The following SVEP1 variants were observed in gnomAD, a reference collection of about 807,000 sequenced individuals.
The protein encoded by SVEP1 is sushi, von Willebrand factor type A, EGF and pentraxin domain containing 1, also known as sushi, von Willebrand factor type A, EGF and pentraxin domain-containing protein 1.
In SVEP1, 164 loss-of-function variants were observed where a neutral mutation model predicts 367.3. The observed-to-expected ratio is 0.45, with a 90% CI of 0.39 to 0.51. The LOEUF (loss-of-function observed/expected upper bound fraction) is 0.51. Among genes scored for constraint, SVEP1 ranks in the 20% least tolerant of loss-of-function variants. SVEP1 has a pLI of 0.00. For missense variants in SVEP1, 4,117 were observed against 4,425.3 expected (o/e 0.93, Z 1.98); for synonymous variants, 1,666 against 1,611.6 (o/e 1.03, Z -0.81).
chr9:110,396,559 A>T (rs1163135908), intron 40 of SVEP1, among the ~76,000 whole-genome samples: 1 of 152,070 alleles, frequency 6.6e-6, no homozygotes, highest in East Asian at 1.9e-4. Context: ...TGAATCCAGG[A>T]GCTGGCTTTT....
intron 36 of SVEP1, among the ~76,000 whole-genome samples, chr9:110,423,168 T>TAAAAAAAAAAAAAGA (rs1828194925): frequency 9.6e-6 from 1 of 103,648 alleles, no homozygotes; most frequent in East Asian, 2.5e-4. Context: ...AAAAATAAAG[T>TAAAAAAAAAAAAAGA]AAAAAAAAAA....
chr9:110,489,825 G>T (rs139341852), intron 8 of SVEP1, 46 bp from the exon 9 acceptor site: 1 of 1,564,304 alleles, frequency 6.4e-7, no homozygotes. Context: ...TCAAAAGTGC[G>T]TTTATTCTTT....
chr9:110,545,783 C>T (rs80253768), intron 3 of SVEP1, among the ~76,000 whole-genome samples: 9,928 of 152,160 alleles, frequency 0.065, 447 homozygotes, highest in Non-Finnish European at 0.096. Flanking sequence ...GGAACCCTGC[C>T]GTCCCCACCT....
chr9:110,405,480 T>C (rs1310857002), intron 38 of SVEP1, among the ~76,000 whole-genome samples: 1 of 151,714 alleles, frequency 6.6e-6, no homozygotes, highest in African/African-American at 2.4e-5. Flanking sequence ...GCATAATTCA[T>C]ATGTATTATG....
At position 110,406,784 on chromosome 9, in the gene SVEP1, G is replaced by GCATCC; in HGVS notation, c.8811_8815dup (p.Ala2939GlyfsTer75). The GCATCC allele has an allele frequency of 6.2e-7, 1 of 1,614,038 alleles. No individual in the cohort carries two copies. Among genetic ancestry groups the GCATCC allele is most frequent in the East Asian group, 2.2e-5 (1 of 44,886 alleles). On this transcript the variant is annotated frameshift_variant, in exon 38 of 48. Coordinates refer to ENST00000374469, the MANE Select transcript of SVEP1 (RefSeq NM_153366.4). LOFTEE classifies it high-confidence loss of function. The stretch of plus-strand genomic sequence containing the variant: ...GACTGGTTTACAGAGAGGAATCTCT[G>GCATCC]CATCCCAGTTGCCATCTGACTGACA...
intron 40 of SVEP1, among the ~76,000 whole-genome samples, chr9:110,390,076 T>A (rs555852747): frequency 3.0e-5 from 4 of 135,380 alleles, no homozygotes; most frequent in East Asian, 2.1e-4. Flanking sequence ...TATATATATA[T>A]ACGTGTATAT....
intron 5 of SVEP1, among the ~76,000 whole-genome samples, chr9:110,508,778 A>G (rs1308839543): frequency 6.6e-6 from 1 of 150,526 alleles, no homozygotes; most frequent in Non-Finnish European, 1.5e-5. Flanking sequence ...AAAAAAAAAA[A>G]AAAAAGAAAG....
intron 29 of SVEP1, among the ~76,000 whole-genome samples, 169 bp from the exon 30 acceptor site, chr9:110,434,675 A>AAAAAAAAAAAAAAAAAAAAAAG (rs1828406104): frequency 6.7e-6 from 1 of 149,508 alleles, no homozygotes; most frequent in Non-Finnish European, 1.5e-5. Context: ...CTAAAAAAAA[A>AAAAAAAAAAAAAAAAAAAAAAG]AAAAAAAAAA....
At chr9:110,499,285 G>A in intron 6 of SVEP1, 47 bp from the exon 7 acceptor site, 2 of 1,536,920 alleles carry the variant, frequency 1.3e-6, no homozygotes, top group Non-Finnish European at 1.8e-6. Context: ...CCCACAAATT[G>A]GAAATGCCAT....
chr9:110,373,343 C>T (rs1019192805), intron 46 of SVEP1, among the ~76,000 whole-genome samples: 8 of 152,116 alleles, frequency 5.3e-5, no homozygotes, highest in African/African-American at 9.7e-5. Context: ...GGTAGGGTGA[C>T]GACTGCACAT....
chr9:110,430,489 T>C, intron 32 of SVEP1, 39 bp from the exon 33 acceptor site: 1 of 1,568,262 alleles, frequency 6.4e-7, no homozygotes, highest in Non-Finnish European at 8.7e-7. Flanking sequence ...TAAGTGGCTT[T>C]CACACAACCA....
At chr9:110,501,935 A>G (rs1460010467) in intron 6 of SVEP1, among the ~76,000 whole-genome samples, 1 of 152,060 alleles carries the variant, frequency 6.6e-6, no homozygotes, top group Non-Finnish European at 1.5e-5. Flanking sequence ...GGTTGCTAGT[A>G]TATTTGCTTT....
intron 5 of SVEP1, among the ~76,000 whole-genome samples, chr9:110,503,439 C>G (rs1260707696): frequency 6.6e-6 from 1 of 152,188 alleles, no homozygotes; most frequent in Non-Finnish European, 1.5e-5. Flanking sequence ...ATGCAGCCCT[C>G]TGCCCATAGG....
intron 42 of SVEP1, 72 bp downstream of exon 42, chr9:110,387,211 CTA>C (rs1827538574): frequency 2.1e-6 from 3 of 1,451,630 alleles, no homozygotes; most frequent in Admixed American, 2.5e-5. Context: ...GGAGCTTCCT[CTA>C]TGTTTTGGAT....
intron 8 of SVEP1, among the ~76,000 whole-genome samples, chr9:110,490,845 GT>G (rs1367802655): frequency 4.6e-5 from 7 of 151,768 alleles, no homozygotes; most frequent in Admixed American, 3.9e-4. Context: ...AAATTCTCAA[GT>G]TTGCATGTAT....
Position 110,488,859 on chromosome 9 carries a change from C to T in SVEP1, c.1930+791G>A, listed in dbSNP as rs138026428. Among the ~76,000 whole-genome samples, 28 of 151,928 alleles carry T rather than the reference C, an allele frequency of 1.8e-4. No individual in the cohort carries two copies. The East Asian group carries it at 1.9e-3, about 11-fold the overall frequency. ...ACAGCACTCACTCCAGTCTGGAGGACGGAGTGAGACCCTGTCTCTGAAAAA... is the reference window on the plus strand; with the variant it reads ...ACAGCACTCACTCCAGTCTGGAGGATGGAGTGAGACCCTGTCTCTGAAAAA... On this transcript the variant is annotated intron_variant, in intron 9 of 47. Transcript: ENST00000374469.
chr9:110,430,541 A>G (rs985363252), intron 32 of SVEP1, 91 bp from the exon 33 acceptor site: 1 of 1,369,448 alleles, frequency 7.3e-7, no homozygotes, highest in Non-Finnish European at 9.8e-7. Flanking sequence ...TAGTTAAGAA[A>G]CCTGTTAAAA....
At position 110,406,830 on chromosome 9, in the gene SVEP1, G is replaced by C. The variant is rs779844824; in HGVS notation, c.8770C>G (p.His2924Asp). The C allele has an allele frequency of 1.2e-6, 2 of 1,613,874 alleles. No individual in the cohort carries two copies. The highest frequency in any genetic ancestry group is 2.7e-5 in the African/African-American group (2 of 74,926). Residue 2924 changes from histidine to aspartate, a missense_variant, in exon 38 of 48, where the codon CAC becomes GAC. Coordinates refer to ENST00000374469, the MANE Select transcript of SVEP1 (RefSeq NM_153366.4). ...TGACAGGTGAGTTTTGGAGCACCGTGCAAGATGTAGCCCTCGTGACAGTGG... is the reference window on the plus strand; with the variant it reads ...TGACAGGTGAGTTTTGGAGCACCGTCCAAGATGTAGCCCTCGTGACAGTGG... ...TFHCHEGYILHGAPKLTCQSD... is the reference protein window; with the variant it reads ...TFHCHEGYILDGAPKLTCQSD...
chr9:110,564,031 T>C (rs1407083999), intron 1 of SVEP1, among the ~76,000 whole-genome samples: 3 of 152,156 alleles, frequency 2.0e-5, no homozygotes, highest in Non-Finnish European at 2.9e-5. Flanking sequence ...ACAACCCTCA[T>C]GGGTAGGCAG....
Sources: allele counts gnomAD v4.1 joint callset (sites outside exome capture counted in the v4.1 genomes callset), GRCh38; gene constraint gnomAD v4.1.1; transcripts MANE v1.5; gene names NCBI Gene and HGNC (gene_info 2026-07-23, HGNC 2026-07-21).